SUPT3H: variants seen among roughly 807,000 people sequenced by gnomAD.
The protein encoded by SUPT3H is transcription initiation protein SPT3 homolog.
A neutral mutation model predicts 44.3 loss-of-function variants in SUPT3H; 44 were observed. The observed-to-expected ratio is 0.99, with a 90% CI of 0.78 to 1.28. SUPT3H has a LOEUF of 1.28. SUPT3H is among the 50% of genes most tolerant of loss of function. The pLI is 0.00. For missense variants in SUPT3H, 380 were observed against 387.1 expected, an observed-to-expected ratio of 0.98 and a Z score of 0.15; for synonymous variants, 124 against 125.6, an observed-to-expected ratio of 0.99 and a Z score of 0.09.
At chr6:45,145,840 CA>C in intron 2 of SUPT3H, among the ~76,000 whole-genome samples, 1 of 152,016 alleles carries the variant, frequency 6.6e-6, no homozygotes, top group Non-Finnish European at 1.5e-5. Flanking sequence ...ACAATCCCAT[CA>C]AAAAGTGGGC....
At chr6:44,980,252 A>G (rs1778908398) in intron 6 of SUPT3H, among the ~76,000 whole-genome samples, 1 of 152,070 alleles carries the variant, frequency 6.6e-6, no homozygotes, top group South Asian at 2.1e-4. Context: ...CTCTAAAAAA[A>G]AAAAAAAGAA....
chr6:45,317,539 C>T (rs1340732931), intron 2 of SUPT3H, among the ~76,000 whole-genome samples: 1 of 152,050 alleles, frequency 6.6e-6, no homozygotes, highest in Non-Finnish European at 1.5e-5. Context: ...TAAATCCATA[C>T]ATTTACTGTC....
chr6:45,344,029 C>T (rs186792306), intron 2 of SUPT3H, among the ~76,000 whole-genome samples: 1 of 152,118 alleles, frequency 6.6e-6, no homozygotes, highest in African/African-American at 2.4e-5. Flanking sequence ...TCCATGACTA[C>T]TAATTGAATA....
chr6:45,370,836 A>G (rs1795938053), intron 1 of SUPT3H, among the ~76,000 whole-genome samples: 1 of 152,292 alleles, frequency 6.6e-6, no homozygotes, highest in Non-Finnish European at 1.5e-5. Flanking sequence ...AGTTTCTAGC[A>G]TATCCTCCTT....
intron 6 of SUPT3H, among the ~76,000 whole-genome samples, chr6:44,998,303 T>C (rs772181646): frequency 6.6e-5 from 10 of 151,998 alleles, no homozygotes; most frequent in Non-Finnish European, 1.3e-4. Flanking sequence ...TTTGAGTTAC[T>C]GATTTATCCA....
At chr6:44,888,668 G>A (rs1762751695) in intron 10 of SUPT3H, among the ~76,000 whole-genome samples, 1 of 151,950 alleles carries the variant, frequency 6.6e-6, no homozygotes, top group Non-Finnish European at 1.5e-5. Flanking sequence ...CATACTGAAT[G>A]GGCAAAAACT....
chr6:45,191,126 T>C (rs1341776144), intron 2 of SUPT3H, among the ~76,000 whole-genome samples: 4 of 152,154 alleles, frequency 2.6e-5, no homozygotes, highest in African/African-American at 4.8e-5. Context: ...CAAATGTTTA[T>C]AGTGGCTTTA....
At chr6:45,175,559 G>C (rs1420275625) in intron 2 of SUPT3H, among the ~76,000 whole-genome samples, 1 of 152,152 alleles carries the variant, frequency 6.6e-6, no homozygotes, top group African/African-American at 2.4e-5. Flanking sequence ...AGCCATATCA[G>C]CTCCTAAATG....
chr6:45,006,127 G>T (rs1782681657), intron 5 of SUPT3H, among the ~76,000 whole-genome samples: 1 of 151,954 alleles, frequency 6.6e-6, no homozygotes, highest in African/African-American at 2.4e-5. Context: ...TAGCTTGCAT[G>T]ATGCTAATAT....
intron 4 of SUPT3H, among the ~76,000 whole-genome samples, chr6:45,019,078 G>A (rs952530383): frequency 1.3e-5 from 2 of 152,274 alleles, no homozygotes; most frequent in Middle Eastern, 3.4e-3. Flanking sequence ...AGTCTTGGGA[G>A]AGTGTATCTG....
intron 2 of SUPT3H, among the ~76,000 whole-genome samples, chr6:45,158,298 A>ATTTTTT (rs56882164): frequency 1.1e-4 from 11 of 99,688 alleles, no homozygotes; most frequent in South Asian, 3.0e-4. Context: ...ATATATATAT[A>ATTTTTT]TTTTTTTTTT....
At chr6:45,022,141 CA>C (rs1562280814) in intron 3 of SUPT3H, among the ~76,000 whole-genome samples, 2 of 151,960 alleles carry the variant, frequency 1.3e-5, no homozygotes, top group East Asian at 3.9e-4. Flanking sequence ...TGGACACATA[CA>C]CAGTAAATTT....
intron 9 of SUPT3H, among the ~76,000 whole-genome samples, chr6:44,948,472 A>G (rs1773708516): frequency 6.6e-6 from 1 of 152,134 alleles, no homozygotes; most frequent in Non-Finnish European, 1.5e-5. Context: ...AATGGGAGAA[A>G]ATTTTTACAA....
intron 2 of SUPT3H, chr6:45,323,111 G>A (rs926465628): frequency 1.8e-6 from 1 of 557,866 alleles, no homozygotes; most frequent in Admixed American, 3.3e-5. Context: ...TTATATACTG[G>A]AATGCTCAGA....
intron 2 of SUPT3H, among the ~76,000 whole-genome samples, chr6:45,236,568 T>G (rs1362087949): frequency 2.0e-5 from 3 of 151,722 alleles, no homozygotes; most frequent in Non-Finnish European, 4.4e-5. Context: ...AGAAAAAGAG[T>G]GGCCTAACCC....
At chr6:44,868,324 AC>A (rs1470791137) in intron 10 of SUPT3H, among the ~76,000 whole-genome samples, 2 of 152,202 alleles carry the variant, frequency 1.3e-5, no homozygotes, top group African/African-American at 4.8e-5. Context: ...CCCCAGGAAA[AC>A]GTAAAGTAAA....
At chr6:45,365,326 T>G in intron 1 of SUPT3H, 25 bp from the exon 2 acceptor site, 1 of 1,503,994 alleles carries the variant, frequency 6.6e-7, no homozygotes, top group South Asian at 1.2e-5. Context: ...GAAATAAAGC[T>G]TACAAAATGT....
intron 10 of SUPT3H, among the ~76,000 whole-genome samples, chr6:44,839,833 C>G (rs1231071884): frequency 6.6e-6 from 1 of 152,266 alleles, no homozygotes; most frequent in South Asian, 2.1e-4. Flanking sequence ...TCCCGAGTAG[C>G]TGGGACTACA....
At chr6:44,920,024 G>T (rs1220126262) in intron 10 of SUPT3H, among the ~76,000 whole-genome samples, 1 of 151,806 alleles carries the variant, frequency 6.6e-6, no homozygotes, top group African/African-American at 2.4e-5. Flanking sequence ...GATTACAGGC[G>T]CATGCCACCA....
Sources: allele counts gnomAD v4.1 joint callset (sites outside exome capture counted in the v4.1 genomes callset), GRCh38; gene constraint gnomAD v4.1.1; transcripts MANE v1.5; gene names NCBI Gene and HGNC (gene_info 2026-07-23, HGNC 2026-07-21).